TAFA4: variants seen among roughly 807,000 people sequenced by gnomAD.
TAFA4 encodes TAFA chemokine like family member 4, also known as chemokine-like protein TAFA-4.
A neutral mutation model predicts 21.1 loss-of-function variants in TAFA4; 20 were observed. The observed-to-expected ratio is 0.95, with a 90% CI of 0.67 to 1.38. The LOEUF (loss-of-function observed/expected upper bound fraction) is 1.38, where lower values mean the gene tolerates loss of function less well. Ranked by LOEUF, TAFA4 falls within the 40% of genes most tolerant of loss-of-function variation. The pLI, the probability that TAFA4 is intolerant of heterozygous loss-of-function variation, is 0.00. For missense variants in TAFA4, 211 were observed against 180.9 expected (o/e 1.17, Z -0.95); for synonymous variants, 71 against 67.4 (o/e 1.05, Z -0.26).
At chr3:68,813,846 T>G (rs1056271972) in intron 3 of TAFA4, among the ~76,000 whole-genome samples, 1 of 152,136 alleles carries the variant, frequency 6.6e-6, no homozygotes, top group Admixed American at 6.6e-5. Flanking sequence ...TACCAAAGCC[T>G]GGCAGAGACA....
chr3:68,770,377 G>A (rs1278419266), intron 3 of TAFA4, among the ~76,000 whole-genome samples: 3 of 152,204 alleles, frequency 2.0e-5, no homozygotes, highest in Non-Finnish European at 4.4e-5. Context: ...CCCAGAAAGA[G>A]TCTAGCAGGA....
At chr3:68,914,504 A>T (rs560616979) in intron 1 of TAFA4, among the ~76,000 whole-genome samples, 90 of 152,204 alleles carry the variant, frequency 5.9e-4, no homozygotes, top group Non-Finnish European at 9.7e-4. Flanking sequence ...TTAAATCAGT[A>T]TATGTGATGT....
At chr3:68,910,567 C>A (rs1245394841) in intron 1 of TAFA4, among the ~76,000 whole-genome samples, 2 of 152,200 alleles carry the variant, frequency 1.3e-5, no homozygotes. Flanking sequence ...TAAGAATTCT[C>A]AAGCCATCAT....
intron 3 of TAFA4, among the ~76,000 whole-genome samples, chr3:68,818,188 G>A (rs977726315): frequency 9.9e-5 from 15 of 152,140 alleles, no homozygotes; most frequent in African/African-American, 3.6e-4. Flanking sequence ...TATGGAAATG[G>A]CTTCTTTCTT....
intron 3 of TAFA4, among the ~76,000 whole-genome samples, chr3:68,778,175 C>T (rs1703083284): frequency 6.6e-6 from 1 of 152,080 alleles, no homozygotes; most frequent in Non-Finnish European, 1.5e-5. Flanking sequence ...TAAAGATATA[C>T]ATTAATCAAA....
At chr3:68,807,395 A>G (rs533581816) in intron 3 of TAFA4, among the ~76,000 whole-genome samples, 12 of 152,336 alleles carry the variant, frequency 7.9e-5, no homozygotes, top group South Asian at 6.2e-4. Flanking sequence ...GCAATGATGA[A>G]GAACAATAAT....
At chr3:68,872,394 G>A (rs2089492787) in intron 3 of TAFA4, among the ~76,000 whole-genome samples, 1 of 152,032 alleles carries the variant, frequency 6.6e-6, no homozygotes, top group Non-Finnish European at 1.5e-5. Context: ...GTTACCAGGG[G>A]CTAGGAAGGG....
At chr3:68,762,650 G>T (rs1454000896) in intron 3 of TAFA4, among the ~76,000 whole-genome samples, 1 of 152,218 alleles carries the variant, frequency 6.6e-6, no homozygotes, top group Non-Finnish European at 1.5e-5. Context: ...AACACCAGGT[G>T]CTGTCCTGTT....
At chr3:68,880,307 G>A (rs968565805) in intron 3 of TAFA4, among the ~76,000 whole-genome samples, 1 of 151,898 alleles carries the variant, frequency 6.6e-6, no homozygotes, top group Non-Finnish European at 1.5e-5. Flanking sequence ...TAAATTATCT[G>A]ACTATTCCCT....
intron 1 of TAFA4, among the ~76,000 whole-genome samples, chr3:68,904,888 G>A (rs1483540527): frequency 6.6e-6 from 1 of 152,200 alleles, no homozygotes; most frequent in African/African-American, 2.4e-5. Context: ...CAAGAGAATT[G>A]GTGAATGCTA....
chr3:68,783,764 A>AGAAAGT (rs1464657428), intron 3 of TAFA4, among the ~76,000 whole-genome samples: 1 of 151,580 alleles, frequency 6.6e-6, no homozygotes, highest in South Asian at 2.1e-4. Flanking sequence ...AAAGAAACAA[A>AGAAAGT]AACAAAGAAA....
At chr3:68,888,005 C>T (rs146150640) in intron 1 of TAFA4, among the ~76,000 whole-genome samples, 1 of 152,186 alleles carries the variant, frequency 6.6e-6, no homozygotes, top group East Asian at 1.9e-4. Flanking sequence ...TCTTTCTGTT[C>T]TGCTTCCCCT....
intron 3 of TAFA4, among the ~76,000 whole-genome samples, chr3:68,780,361 C>A (rs144460953): frequency 1.3e-5 from 2 of 152,018 alleles, no homozygotes; most frequent in South Asian, 2.1e-4. Context: ...ATGAGAATTG[C>A]GGGGGAGCCA....
chr3:68,880,686 G>C (rs1164504276), intron 3 of TAFA4, 44 bp downstream of exon 3: 1 of 1,501,834 alleles, frequency 6.7e-7, no homozygotes, highest in East Asian at 2.3e-5. Flanking sequence ...CATTTGGAGG[G>C]GTTTTATTAT....
intron 3 of TAFA4, among the ~76,000 whole-genome samples, chr3:68,857,238 C>G (rs1327158719): frequency 6.6e-6 from 1 of 152,126 alleles, no homozygotes; most frequent in Non-Finnish European, 1.5e-5. Context: ...AAACATGCAG[C>G]TATCTGGGTG....
At chr3:68,747,287 C>T (rs2106743549) in intron 4 of TAFA4, among the ~76,000 whole-genome samples, 1 of 152,248 alleles carries the variant, frequency 6.6e-6, no homozygotes, top group South Asian at 2.1e-4. Flanking sequence ...TACGGTTTGG[C>T]TCTGCCCCTA....
intron 5 of TAFA4, among the ~76,000 whole-genome samples, chr3:68,735,497 T>C (rs972718253): frequency 6.6e-6 from 1 of 152,156 alleles, no homozygotes; most frequent in Non-Finnish European, 1.5e-5. Context: ...AGCGTGGTTT[T>C]CTAAGCCCTA....
intron 3 of TAFA4, among the ~76,000 whole-genome samples, chr3:68,762,278 G>A (rs907566687): frequency 6.6e-6 from 1 of 152,032 alleles, no homozygotes; most frequent in Admixed American, 6.6e-5. Flanking sequence ...GCAGAACTGA[G>A]AAATTGTAGA....
At chr3:68,873,384 C>T (rs578217243) in intron 3 of TAFA4, among the ~76,000 whole-genome samples, 3 of 100,660 alleles carry the variant, frequency 3.0e-5, no homozygotes, top group South Asian at 1.2e-3. Flanking sequence ...ACACCCTGGG[C>T]CAGAAAAATG....
Sources: allele counts gnomAD v4.1 joint callset (sites outside exome capture counted in the v4.1 genomes callset), GRCh38; gene constraint gnomAD v4.1.1; transcripts MANE v1.5; gene names NCBI Gene and HGNC (gene_info 2026-07-23, HGNC 2026-07-21).